ABAT: variants seen among roughly 807,000 people sequenced by gnomAD.
The protein encoded by ABAT is 4-aminobutyrate aminotransferase, mitochondrial.
ABAT carries 45 observed loss-of-function variants against 64.6 expected under a neutral mutation model. The ratio of observed to expected loss-of-function variants is 0.70; its 90% CI spans 0.55 to 0.89. The LOEUF (loss-of-function observed/expected upper bound fraction) is 0.89. ABAT is among the 40% of genes least tolerant of loss of function. ABAT has a pLI of 0.00. For missense variants in ABAT, 633 were observed against 658.4 expected (o/e 0.96, Z 0.42); for synonymous variants, 297 against 250.5 (o/e 1.19, Z -1.75).
rs969886300 is a variant in ABAT at position 8,764,024 on chromosome 16, G to C, written c.367-45G>C. The C allele has an allele frequency of 4.5e-6, 7 of 1,541,570 alleles. No individual in the cohort carries two copies. The highest frequency in any genetic ancestry group is 4.5e-6 in the Non-Finnish European group (5 of 1,114,066). On this transcript the variant is annotated intron_variant, in intron 6 of 15. Transcript: ENST00000268251. The surrounding 1 kb of genome is among the most constrained non-coding windows in gnomAD (Gnocchi z 4.2). ...AGCACCATTTGTGGGCAGGGAGCTGGGTCAGGCCCCCAGAAGTCACCATTT... is the reference window on the plus strand; with the variant it reads ...AGCACCATTTGTGGGCAGGGAGCTGCGTCAGGCCCCCAGAAGTCACCATTT...
Position 8,783,867 on chromosome 16 carries a change from G to A in ABAT, c.*2437G>A, listed in dbSNP as rs1485242615. The A allele has an allele frequency of 6.6e-6, 1 of 152,172 alleles. No homozygotes were observed. The highest frequency in any genetic ancestry group is 1.5e-5 in the Non-Finnish European group (1 of 68,026). 9.4% of individuals were successfully genotyped at this position (152,172 alleles called of 1,614,324 possible). ...ATAGTTTTATCTGGAAAATTCCAGAGCTATTATTTACTCCTTACCAAGGGA... is the reference window on the plus strand; with the variant it reads ...ATAGTTTTATCTGGAAAATTCCAGAACTATTATTTACTCCTTACCAAGGGA... On this transcript the variant is annotated 3_prime_UTR_variant, in exon 16 of 16. Transcript: ENST00000268251.
intron 1 of ABAT, among the ~76,000 whole-genome samples, chr16:8,708,483 A>C (rs2057999554): frequency 6.6e-6 from 1 of 151,792 alleles, no homozygotes; most frequent in African/African-American, 2.4e-5. Flanking sequence ...GCTCGGGGGC[A>C]GGGTTGTGTG....
At chr16:8,754,006 A>G (rs1055818633) in intron 5 of ABAT, among the ~76,000 whole-genome samples, 1 of 151,898 alleles carries the variant, frequency 6.6e-6, no homozygotes, top group Admixed American at 6.6e-5. Context: ...GATTGTTCCT[A>G]CTGCATTCAA....
At chr16:8,738,226 C>T (rs914936753) in intron 2 of ABAT, among the ~76,000 whole-genome samples, 7 of 151,678 alleles carry the variant, frequency 4.6e-5, no homozygotes, top group East Asian at 1.9e-4. Context: ...GAGGCTGAAG[C>T]GGGAGGATTG....
rs553833874 is a variant in ABAT, at chr16:8,776,781, G to C, written c.1269+291G>C. Among the ~76,000 whole-genome samples, 1 of 152,000 alleles carries C rather than the reference G, an allele frequency of 6.6e-6. No individual in the cohort carries two copies. The highest frequency in any genetic ancestry group is 1.5e-5 in the Non-Finnish European group (1 of 68,006). On this transcript the variant is annotated intron_variant, in intron 14 of 15. Coordinates refer to ENST00000268251, the MANE Select transcript of ABAT (RefSeq NM_020686.6). This position sits in a 1 kb window ranked among gnomAD's most constrained non-coding sequence, Gnocchi z 4.4. ...TAATATTGAGACATGGTCAAGCTCT[G>C]TTAGCCAGTCCGGCCTTGAACTCCT...
At chr16:8,698,988 C>A (rs964737136) in intron 1 of ABAT, among the ~76,000 whole-genome samples, 2 of 152,062 alleles carry the variant, frequency 1.3e-5, no homozygotes, top group Non-Finnish European at 2.9e-5. Context: ...AGTGCTGCAA[C>A]GAACAGCAGC....
chr16:8,724,363 A>T (rs780346863), intron 1 of ABAT, among the ~76,000 whole-genome samples: 2 of 152,246 alleles, frequency 1.3e-5, no homozygotes, highest in African/African-American at 2.4e-5. Context: ...TCGCTGCTCC[A>T]AATAGGCAAT....
chr16:8,707,468 T>A (rs938345216), intron 1 of ABAT, among the ~76,000 whole-genome samples: 1 of 151,146 alleles, frequency 6.6e-6, no homozygotes, highest in African/African-American at 2.4e-5. Flanking sequence ...ATTACAGGCA[T>A]GAGCCAATGT....
chr16:8,723,827 A>ATATATATATTTTT (rs1567286201), intron 1 of ABAT, among the ~76,000 whole-genome samples: 2 of 40,350 alleles, frequency 5.0e-5, no homozygotes, highest in African/African-American at 2.2e-4. Flanking sequence ...ATATATATAT[A>ATATATATATTTTT]TTTTTTTTTT....
chr16:8,778,932 C>T (rs1319919722), intron 14 of ABAT, among the ~76,000 whole-genome samples: 6 of 152,074 alleles, frequency 3.9e-5, no homozygotes, highest in East Asian at 3.9e-4. Context: ...ATTTAGGGGG[C>T]AGTGGGAGGA....
chr16:8,771,385 CA>C (rs1002392026), intron 11 of ABAT, among the ~76,000 whole-genome samples: 1 of 151,258 alleles, frequency 6.6e-6, no homozygotes, highest in Non-Finnish European at 1.5e-5. Context: ...ATCACCCAAA[CA>C]GAGGCTTTTT....
chr16:8,721,446 C>T (rs928493867), intron 1 of ABAT, among the ~76,000 whole-genome samples: 17 of 152,198 alleles, frequency 1.1e-4, no homozygotes, highest in African/African-American at 4.1e-4. Flanking sequence ...AGACTCAGAC[C>T]TACTTAGTCT....
chr16:8,703,056 T>C (rs1040089795), intron 1 of ABAT, among the ~76,000 whole-genome samples: 3 of 152,082 alleles, frequency 2.0e-5, no homozygotes, highest in Non-Finnish European at 2.9e-5. Flanking sequence ...AACACCTCTC[T>C]ACTGTCAATG....
Position 8,722,913 on chromosome 16 carries a change from G to T in ABAT, c.-41-12786G>T, listed in dbSNP as rs1014318555. 1.5e-5 allele frequency: 19 copies of T among 1,266,718 alleles called. 1 individual carries two copies. The South Asian group carries it at 2.4e-4, about 16-fold the overall frequency. The allele number at this position is 1,266,718 out of a possible 1,614,324, so 78.5% of individuals were successfully genotyped here. On this transcript the variant is annotated intron_variant, in intron 1 of 15. Transcript: ENST00000268251. ...TATGGAACTCTTAGCACGCTTGTCAGGTGTTTCTTAGAGTCCGAACGGGCC... is the reference window on the plus strand; with the variant it reads ...TATGGAACTCTTAGCACGCTTGTCATGTGTTTCTTAGAGTCCGAACGGGCC...
chr16:8,681,458 C>CCTTTTTT (rs550661995), intron 1 of ABAT, among the ~76,000 whole-genome samples: 1 of 133,732 alleles, frequency 7.5e-6, no homozygotes, highest in African/African-American at 2.8e-5. Context: ...AGCCTCTACA[C>CCTTTTTT]TTTTTTTTTT....
intron 1 of ABAT, among the ~76,000 whole-genome samples, chr16:8,681,428 A>C (rs993261380): frequency 8.8e-5 from 13 of 147,172 alleles, no homozygotes; most frequent in African/African-American, 3.3e-4. Flanking sequence ...AGGAACTCAC[A>C]GTCTACTGCA....
chr16:8,697,594 C>T (rs928231351), intron 1 of ABAT, among the ~76,000 whole-genome samples: 2 of 151,972 alleles, frequency 1.3e-5, no homozygotes, highest in Non-Finnish European at 2.9e-5. Context: ...AACTCCCTTT[C>T]CTCCTGTGCA....
At chr16:8,740,893 A>T (rs975977572) in intron 2 of ABAT, among the ~76,000 whole-genome samples, 20 of 152,314 alleles carry the variant, frequency 1.3e-4, no homozygotes, top group East Asian at 7.7e-4. Flanking sequence ...GATAAAAAAA[A>T]TTTTTTAACA....
chr16:8,724,146 C>T (rs184948695), intron 1 of ABAT, among the ~76,000 whole-genome samples: 1 of 151,804 alleles, frequency 6.6e-6, no homozygotes, highest in African/African-American at 2.4e-5. Flanking sequence ...CAGCCCCAAG[C>T]TTTATATTCT....
Sources: gnomAD v4.1 joint callset for allele counts (sites outside exome capture counted in the v4.1 genomes callset) on GRCh38, gnomAD v4.1.1 for gene constraint, Gnocchi (gnomAD v3.1) non-coding constraint, MANE v1.5 for transcripts, NCBI Gene and HGNC (gene_info 2026-07-23, HGNC 2026-07-21) for gene names.